Variants in ADAMTS14 observed in about 807,000 individuals in gnomAD.
The protein encoded by ADAMTS14 is A disintegrin and metalloproteinase with thrombospondin motifs 14.
ADAMTS14 carries 100 observed loss-of-function variants against 128.6 expected under a neutral mutation model. The observed-to-expected ratio is 0.78, with a 90% CI of 0.66 to 0.92. The LOEUF (loss-of-function observed/expected upper bound fraction) is 0.92, where lower values mean the gene tolerates loss of function less well. Among genes scored for constraint, ADAMTS14 ranks in the 40% least tolerant of loss-of-function variants. The pLI, the probability that ADAMTS14 is intolerant of heterozygous loss-of-function variation, is 0.00. For missense variants in ADAMTS14, 1,562 were observed against 1,658.6 expected (o/e 0.94, Z 1.01); for synonymous variants, 665 against 653.8 (o/e 1.02, Z -0.26).
chr10:70,721,679 G>A (rs530715559), intron 4 of ADAMTS14, among the ~76,000 whole-genome samples: 6 of 152,308 alleles, frequency 3.9e-5, no homozygotes, highest in South Asian at 4.1e-4. Context: ...GAGCCACTGC[G>A]CCTGGCCTAT....
intron 17 of ADAMTS14, 89 bp from the exon 18 acceptor site, chr10:70,752,006 G>A: frequency 3.3e-6 from 5 of 1,521,452 alleles, no homozygotes; most frequent in Non-Finnish European, 4.4e-6. Flanking sequence ...TGGCCCACAA[G>A]GCTCTCCACA....
intron 15 of ADAMTS14, among the ~76,000 whole-genome samples, chr10:70,748,725 AGT>A (rs532264075): frequency 3.3e-4 from 27 of 81,086 alleles, no homozygotes; most frequent in African/African-American, 1.1e-3. Context: ...ACTGGCACAT[AGT>A]TAGTGTTCTC....
rs139509859 is a variant in ADAMTS14 at position 70,674,812 on chromosome 10, C to T, written c.339C>T (p.Phe113=). The part of the protein sequence containing the change: ...RHSLYFNVTV[F]GKELHLRLRP... Reference sequence around the variant, plus strand: ...CCCTCTACTTCAATGTCACTGTTTTCGGGAAGGAACTGCACTTGCGCCTGC... The same window carrying T: ...CCCTCTACTTCAATGTCACTGTTTTTGGGAAGGAACTGCACTTGCGCCTGC... The change falls in exon 2 of 22, where the codon TTC becomes TTT. Residue 113 remains phenylalanine, a synonymous_variant. Coordinates refer to ENST00000373207, the MANE Select transcript of ADAMTS14 (RefSeq NM_080722.4). 4.4e-5 allele frequency: 71 copies of T among 1,613,766 alleles called. No homozygotes were observed. The highest frequency in any genetic ancestry group is 3.1e-4 in the African/African-American group (23 of 75,066).
At chr10:70,692,116 T>A (rs182855120) in intron 2 of ADAMTS14, among the ~76,000 whole-genome samples, 71 of 152,150 alleles carry the variant, frequency 4.7e-4, no homozygotes, top group Non-Finnish European at 9.4e-4. Flanking sequence ...TTTGATTTCA[T>A]CGGTCTGGGA....
intron 19 of ADAMTS14, 110 bp downstream of exon 19, chr10:70,754,117 A>C: frequency 9.2e-7 from 1 of 1,092,224 alleles, no homozygotes; most frequent in Non-Finnish European, 1.3e-6. Flanking sequence ...CTCCCCCTAC[A>C]TCAAATTTTG....
intron 7 of ADAMTS14, among the ~76,000 whole-genome samples, chr10:70,733,609 A>G (rs1841717649): frequency 6.6e-6 from 1 of 152,150 alleles, no homozygotes; most frequent in Non-Finnish European, 1.5e-5. Context: ...TGGAAGCTGT[A>G]AGAACATGGG....
intron 14 of ADAMTS14, 136 bp downstream of exon 14, chr10:70,744,325 C>T: frequency 1.6e-6 from 2 of 1,236,642 alleles, no homozygotes; most frequent in Non-Finnish European, 1.1e-6. Context: ...TCCAGGCCTT[C>T]CTGGGCTGCC....
At position 70,760,927 on chromosome 10, in the gene ADAMTS14, C is replaced by A; in HGVS notation, c.*74C>A. ...CGTGACTCCCAGCTCAGAGGACACA[C>A]ATAGCAGGGCAGGCGCAAGCACAGA... On this transcript the variant is annotated 3_prime_UTR_variant, in exon 22 of 22. Coordinates refer to ENST00000373207, the MANE Select transcript of ADAMTS14 (RefSeq NM_080722.4). 6.7e-7 allele frequency: 1 copy of A among 1,483,328 alleles called. No homozygotes were observed. The highest frequency in any genetic ancestry group is 1.4e-5 in the African/African-American group (1 of 71,238). The allele number at this position is 1,483,328 out of a possible 1,614,324, so 91.9% of individuals were successfully genotyped here.
rs200533153 is a variant in ADAMTS14, at chr10:70,744,164, G to A, written c.2157G>A (p.Thr719=). 1.9e-6 allele frequency: 3 copies of A among 1,540,166 alleles called. No individual in the cohort carries two copies. Among genetic ancestry groups the A allele is most frequent in the East Asian group, 2.4e-5 (1 of 40,868 alleles). The change falls in exon 14 of 22, where the codon ACG becomes ACA. Residue 719 remains threonine, a synonymous_variant. Coordinates refer to ENST00000373207, the MANE Select transcript of ADAMTS14 (RefSeq NM_080722.4). The stretch of plus-strand genomic sequence containing the variant: ...CCCACTGCAGGACTGTGAAGGGGAC[G>A]CTGGGCAAGGCCTCCAAGCAGGCAG... ...DNSHCRTVKG[T]LGKASKQAGA... is the part of the protein sequence containing the mutation.
At chr10:70,702,686 T>C (rs1476779290) in intron 3 of ADAMTS14, among the ~76,000 whole-genome samples, 2 of 152,182 alleles carry the variant, frequency 1.3e-5, no homozygotes, top group Non-Finnish European at 1.5e-5. Context: ...GTCACTTGTG[T>C]CCTGAACTGT....
At chr10:70,736,008 A>G (rs1349172959) in intron 9 of ADAMTS14, among the ~76,000 whole-genome samples, 1 of 152,204 alleles carries the variant, frequency 6.6e-6, no homozygotes, top group Non-Finnish European at 1.5e-5. Context: ...AGCGCCCCCA[A>G]CCATGTGTGG....
In ADAMTS14 at chr10:70,758,158, C is replaced by T. The variant is rs762500696; in HGVS notation, c.3068-17C>T. Reference sequence around the variant, plus strand: ...GCCAAAGTCCCAAATACTAGAATTGCTTCTTCCTGCTCACAGGAAATCACC... The same window carrying T: ...GCCAAAGTCCCAAATACTAGAATTGTTTCTTCCTGCTCACAGGAAATCACC... On this transcript the variant is annotated splice_polypyrimidine_tract_variant and intron_variant, in intron 20 of 21. Transcript: ENST00000373207. 1 of 1,613,648 alleles carries T rather than the reference C, an allele frequency of 6.2e-7. No homozygotes were observed. Among genetic ancestry groups the T allele is most frequent in the East Asian group, 2.2e-5 (1 of 44,888 alleles).
In ADAMTS14 at chr10:70,751,664, C is replaced by T. The variant is rs375528256; in HGVS notation, c.2596+18C>T. 312 of 1,597,116 alleles carry T rather than the reference C, an allele frequency of 2.0e-4. No individual in the cohort carries two copies. The highest frequency in any genetic ancestry group is 1.7e-4 in the Non-Finnish European group (203 of 1,166,032). ...TGGAGGAGGTACCGGTTCCCTGACC[C>T]GCCAGTGCTTTGTTGGGGCAGCCCA... On this transcript the variant is annotated intron_variant, in intron 17 of 21. Coordinates refer to ENST00000373207, the MANE Select transcript of ADAMTS14 (RefSeq NM_080722.4).
intron 11 of ADAMTS14, among the ~76,000 whole-genome samples, chr10:70,740,074 T>TAA (rs1318160735): frequency 6.6e-6 from 1 of 152,242 alleles, no homozygotes; most frequent in Non-Finnish European, 1.5e-5. Flanking sequence ...AGCTCCTGTG[T>TAA]AATAACAACT....
intron 16 of ADAMTS14, among the ~76,000 whole-genome samples, chr10:70,750,421 C>T (rs1842316132): frequency 6.6e-6 from 1 of 152,182 alleles, no homozygotes; most frequent in Admixed American, 6.5e-5. Context: ...AAGAGCCTGA[C>T]TGGGGCACAT....
rs375344114 is a variant in ADAMTS14, at chr10:70,708,628, G to C, written c.720G>C (p.Val240=). 7.4e-6 allele frequency: 12 copies of C among 1,611,498 alleles called. No homozygotes were observed. Among genetic ancestry groups the C allele is most frequent in the Non-Finnish European group, 1.0e-5 (12 of 1,178,072 alleles). The part of the protein sequence containing the change: ...LGDLPNLLGL[V]GDQLGDTERK... ...ACCTTCCCAACCTGCTGGGCCTGGTGGGGGACCAGCTGGGCGACACAGAGC... is the reference window on the plus strand; with the variant it reads ...ACCTTCCCAACCTGCTGGGCCTGGTCGGGGACCAGCTGGGCGACACAGAGC... The change falls in exon 4 of 22, where the codon GTG becomes GTC. Residue 240 remains valine (V), a synonymous_variant. Transcript: ENST00000373207.
intron 10 of ADAMTS14, among the ~76,000 whole-genome samples, chr10:70,737,280 T>G (rs1034087833): frequency 1.3e-5 from 2 of 152,204 alleles, no homozygotes; most frequent in Non-Finnish European, 2.9e-5. Flanking sequence ...GTTTGCTCCC[T>G]CATGCATGTG....
At chr10:70,720,685 C>T (rs1259131272) in intron 4 of ADAMTS14, among the ~76,000 whole-genome samples, 1 of 152,226 alleles carries the variant, frequency 6.6e-6, no homozygotes, top group Admixed American at 6.5e-5. Flanking sequence ...TACACACATA[C>T]AACACAGGTA....
chr10:70,675,375 A>G (rs1564514873), intron 2 of ADAMTS14, among the ~76,000 whole-genome samples: 1 of 152,084 alleles, frequency 6.6e-6, no homozygotes, highest in African/African-American at 2.4e-5. Context: ...ACTGTTCTAG[A>G]TGCTGGGGGT....
Sources: gnomAD v4.1 joint callset for allele counts (sites outside exome capture counted in the v4.1 genomes callset) on GRCh38, gnomAD v4.1.1 for gene constraint, MANE v1.5 for transcripts, NCBI Gene and HGNC (gene_info 2026-07-23, HGNC 2026-07-21) for gene names.